The following DNAH14 variants were observed in gnomAD, a reference collection of about 807,000 sequenced individuals.
DNAH14 encodes axonemal beta dynein heavy chain 14.
A neutral mutation model predicts 520.9 loss-of-function variants in DNAH14; 478 were observed. The ratio of observed to expected loss-of-function variants is 0.92; its 90% CI spans 0.85 to 0.99. The LOEUF (loss-of-function observed/expected upper bound fraction) is 0.99. DNAH14 is among the 50% of genes least tolerant of loss of function. The pLI, the probability that DNAH14 is intolerant of heterozygous loss-of-function variation, is 0.00. For synonymous variants in DNAH14, 1,581 were observed against 1,757.2 expected (o/e 0.90, Z 2.51); for missense variants, 4,831 against 5,234.5 (o/e 0.92, Z 2.38).
At chr1:224,966,144 G>C (rs1055917060) in intron 5 of DNAH14, among the ~76,000 whole-genome samples, 1 of 152,070 alleles carries the variant, frequency 6.6e-6, no homozygotes, top group Non-Finnish European at 1.5e-5. Context: ...ATCATTTAGA[G>C]CTCATTTATT....
chr1:225,147,294 C>T (rs1331603394), intron 31 of DNAH14, 45 bp downstream of exon 31: 2 of 1,477,644 alleles, frequency 1.4e-6, no homozygotes, highest in Non-Finnish European at 1.8e-6. Context: ...AAATCTGATA[C>T]ACACTTAATG....
At chr1:225,192,308 A>G (rs936786118) in intron 37 of DNAH14, among the ~76,000 whole-genome samples, 4 of 152,232 alleles carry the variant, frequency 2.6e-5, no homozygotes, top group Non-Finnish European at 4.4e-5. Flanking sequence ...ACAGGTTAAA[A>G]TATTGCAAAT....
chr1:225,013,561 C>G (rs2064976738), intron 10 of DNAH14, among the ~76,000 whole-genome samples: 1 of 152,198 alleles, frequency 6.6e-6, no homozygotes. Context: ...CACAGCCACC[C>G]CTTTCCCCAG....
At position 225,305,018 on chromosome 1, in the gene DNAH14, T is replaced by C; in HGVS notation, c.8934T>C (p.Asn2978=). Residue 2978 remains asparagine (N), a synonymous_variant, in exon 58 of 86, where the codon AAT becomes AAC. Transcript: ENST00000682510. ...GAAGATTTTATTATACCACTCCCAA[T>C]AGCTACTTGCAATTTATGGAAACAT... ...ETGRFYYTTP[N]SYLQFMETFA... 1.9e-6 allele frequency: 3 copies of C among 1,545,952 alleles called. No homozygotes were observed. The highest frequency in any genetic ancestry group is 2.6e-6 in the Non-Finnish European group (3 of 1,145,848).
chr1:225,134,442 T>C (rs1056993037), intron 27 of DNAH14, among the ~76,000 whole-genome samples: 3 of 152,168 alleles, frequency 2.0e-5, no homozygotes, highest in African/African-American at 7.2e-5. Context: ...TGAAGAGATG[T>C]TGAATTTTTG....
At chr1:225,243,908 A>G (rs995547461) in intron 43 of DNAH14, among the ~76,000 whole-genome samples, 8 of 151,932 alleles carry the variant, frequency 5.3e-5, no homozygotes, top group Admixed American at 1.3e-4. Context: ...TGAAGAGGGC[A>G]TTCTTGCATT....
chr1:225,294,209 T>C (rs1440412648), intron 55 of DNAH14, among the ~76,000 whole-genome samples: 1 of 152,188 alleles, frequency 6.6e-6, no homozygotes, highest in Non-Finnish European at 1.5e-5. Flanking sequence ...TGGTTTTTTT[T>C]CTATATTCTG....
intron 54 of DNAH14, among the ~76,000 whole-genome samples, chr1:225,289,401 T>C (rs1195768563): frequency 6.6e-6 from 1 of 152,166 alleles, no homozygotes; most frequent in Non-Finnish European, 1.5e-5. Context: ...CTAAAAAGCA[T>C]TGAATTATCC....
chr1:225,168,896 G>A (rs1037076495), intron 36 of DNAH14, among the ~76,000 whole-genome samples: 1 of 152,136 alleles, frequency 6.6e-6, no homozygotes, highest in African/African-American at 2.4e-5. Flanking sequence ...TGGGAGGCAT[G>A]CCCTAGTAGG....
At chr1:225,030,821 C>T (rs923924697) in intron 11 of DNAH14, among the ~76,000 whole-genome samples, 1 of 151,836 alleles carries the variant, frequency 6.6e-6, no homozygotes, top group Non-Finnish European at 1.5e-5. Context: ...TATTCTTCAG[C>T]TTTGTTCTTC....
Position 225,134,067 on chromosome 1 carries a change from A to G in DNAH14, c.4255-6701A>G, listed in dbSNP as rs143385047. On this transcript the variant is annotated intron_variant, in intron 27 of 85. Coordinates refer to ENST00000682510, the MANE Select transcript of DNAH14 (RefSeq NM_001367479.1). ...ATAGGAATGCTAGCAATTTGGGCAC[A>G]TTGATTTTATATCCTGAGACTTTGC... is the stretch of plus-strand genomic sequence containing the variant. 2.9e-3 allele frequency among the ~76,000 whole-genome samples: 449 copies of G among 152,222 alleles called. 4 individuals are homozygous for G. Among genetic ancestry groups the G allele is most frequent in the African/African-American group, 0.01 (420 of 41,538 alleles).
At chr1:225,148,965 A>T (rs1259128442) in intron 31 of DNAH14, among the ~76,000 whole-genome samples, 2 of 151,922 alleles carry the variant, frequency 1.3e-5, no homozygotes, top group African/African-American at 4.8e-5. Flanking sequence ...ACCATTTGTC[A>T]ATTTTTGCTT....
intron 1 of DNAH14, among the ~76,000 whole-genome samples, chr1:224,931,871 TTAA>T (rs1389604962): frequency 6.6e-6 from 1 of 152,200 alleles, no homozygotes; most frequent in African/African-American, 2.4e-5. Context: ...GGCACTTAGG[TTAA>T]TTCTGTATCT....
chr1:225,290,170 CAA>C, intron 55 of DNAH14, 88 bp downstream of exon 55: 1 of 955,798 alleles, frequency 1.0e-6, no homozygotes, highest in Non-Finnish European at 1.4e-6. Context: ...GAAAAGAAAA[CAA>C]GAAAATATTT....
At position 225,273,124 on chromosome 1, in the gene DNAH14, A is replaced by C. The variant is rs1558228483; in HGVS notation, c.8009A>C (p.Gln2670Pro). 2 of 1,546,886 alleles carry C rather than the reference A, an allele frequency of 1.3e-6. No individual in the cohort carries two copies. Among genetic ancestry groups the C allele is most frequent in the Non-Finnish European group, 1.7e-6 (2 of 1,145,732 alleles). The change falls in exon 52 of 86, where the codon CAG (glutamine) becomes CCG (proline). Residue 2670 changes from glutamine to proline, a missense_variant and splice_region_variant. Coordinates refer to ENST00000682510, the MANE Select transcript of DNAH14 (RefSeq NM_001367479.1). ...LLSRELENCF[Q>P]IQWTQENLMN... ...TCAAGGGAACTTGAGAACTGTTTTC[A>C]GGTAAATTTATATTTTAAAAATTAT...
chr1:225,048,969 A>G (rs1361592568), intron 15 of DNAH14, among the ~76,000 whole-genome samples: 2 of 149,764 alleles, frequency 1.3e-5, no homozygotes, highest in Non-Finnish European at 2.9e-5. Flanking sequence ...GTAACAAATG[A>G]TATTGTTCAT....
intron 17 of DNAH14, among the ~76,000 whole-genome samples, chr1:225,062,824 C>A: frequency 6.6e-6 from 1 of 152,068 alleles, no homozygotes; most frequent in Non-Finnish European, 1.5e-5. Context: ...TAAAGATAGA[C>A]CTCAAAGAGA....
intron 1 of DNAH14, among the ~76,000 whole-genome samples, chr1:224,930,065 G>A (rs2058580505): frequency 6.6e-6 from 1 of 152,218 alleles, no homozygotes; most frequent in Non-Finnish European, 1.5e-5. Context: ...CCCGACCGCA[G>A]GAGCTCTCAA....
intron 15 of DNAH14, among the ~76,000 whole-genome samples, chr1:225,047,048 A>G (rs571612866): frequency 5.1e-4 from 77 of 152,332 alleles, no homozygotes; most frequent in Non-Finnish European, 8.1e-4. Flanking sequence ...ACTAAGATCT[A>G]TGCACTAGAT....
Sources: allele counts gnomAD v4.1 joint callset (sites outside exome capture counted in the v4.1 genomes callset), GRCh38; gene constraint gnomAD v4.1.1; transcripts MANE v1.5; gene names NCBI Gene and HGNC (gene_info 2026-07-23, HGNC 2026-07-21).